Variants in PCDH11Y observed in about 807,000 individuals in gnomAD.
PCDH11Y encodes protocadherin 11 Y-linked.
For synonymous variants in PCDH11Y, 9 were observed against 83.6 expected, an observed-to-expected ratio of 0.11 and a Z score of 4.87; for missense variants, 12 against 224.8, an observed-to-expected ratio of 0.05 and a Z score of 6.05.
intron 2 of PCDH11Y, among the ~76,000 whole-genome samples, chrY:5,286,008 A>G: frequency 3.0e-5 from 1 of 33,673 alleles, no homozygotes; most frequent in Non-Finnish European, 7.4e-5. Context: ...TATTGCCTCA[A>G]TTGTCTTCCA....
chrY:5,151,833 A>C, intron 2 of PCDH11Y, among the ~76,000 whole-genome samples: 1 of 32,163 alleles, frequency 3.1e-5, no homozygotes, highest in Admixed American at 2.9e-4. Flanking sequence ...ATTTAGTCAT[A>C]TATATTATAT....
intron 1 of PCDH11Y, among the ~76,000 whole-genome samples, chrY:5,085,779 T>TTG (rs538114004): frequency 0.012 from 303 of 24,956 alleles, no homozygotes; most frequent in South Asian, 0.094. Context: ...TGGAGCTCCA[T>TTG]TGTGTGTGTG....
intron 4 of PCDH11Y, among the ~76,000 whole-genome samples, chrY:5,671,933 AC>A (rs2053549662): frequency 3.1e-5 from 1 of 32,582 alleles, no homozygotes. Flanking sequence ...TTCCTTCTAT[AC>A]CCATTTCTTT....
chrY:5,220,318 G>T, intron 2 of PCDH11Y, among the ~76,000 whole-genome samples: 1 of 29,168 alleles, frequency 3.4e-5, no homozygotes, highest in Non-Finnish European at 8.0e-5. Context: ...ATTGTATTAA[G>T]TCTGTACATT....
chrY:5,377,554 A>G (rs2053198827), intron 2 of PCDH11Y, among the ~76,000 whole-genome samples: 1 of 33,644 alleles, frequency 3.0e-5, no homozygotes, highest in African/African-American at 1.1e-4. Flanking sequence ...AAAATAAATG[A>G]ATATTTTTAT....
chrY:5,329,335 A>C, intron 2 of PCDH11Y, among the ~76,000 whole-genome samples: 2 of 32,140 alleles, frequency 6.2e-5, no homozygotes, highest in Admixed American at 2.9e-4. Flanking sequence ...GGGCACAGAA[A>C]TAAGGGATTG....
chrY:5,107,984 G>A (rs2052795227), downstream of PCDH11Y, among the ~76,000 whole-genome samples: 6 of 29,633 alleles, frequency 2.0e-4, no homozygotes, highest in Admixed American at 1.8e-3. Flanking sequence ...GCGTGAACCC[G>A]GGAGGCGGAG....
chrY:5,046,789 G>T, intron 3 of PCDH11Y, among the ~76,000 whole-genome samples: 1 of 33,656 alleles, frequency 3.0e-5, no homozygotes, highest in Non-Finnish European at 7.4e-5. Context: ...GACCCTCCGA[G>T]CCAGGTGTGG....
rs1569344751 is a variant in PCDH11Y at position 5,403,859 on chromosome Y, G to T, written c.3130-97198G>T. Among the ~76,000 whole-genome samples the T allele has an allele frequency of 6.7e-4, 22 of 32,996 alleles. No homozygotes were observed. In the East Asian group the frequency reaches 0.017, roughly 25 times the overall value. 88.5% of individuals were successfully genotyped at this position (32,996 alleles called of 37,273 possible). A position where few individuals can be genotyped will look rare whatever the true frequency, so the allele number is the denominator to read the frequency against. ...AGTAAATTAAGGGCTGAGTACTATTGGGTTAGAACAAGAGGGAAAACAAAT... is the reference window on the plus strand; with the variant it reads ...AGTAAATTAAGGGCTGAGTACTATTTGGTTAGAACAAGAGGGAAAACAAAT... On this transcript the variant is annotated intron_variant, in intron 2 of 4. Transcript: ENST00000400457.
At chrY:5,062,770 A>G in intron 1 of PCDH11Y, among the ~76,000 whole-genome samples, 1 of 33,210 alleles carries the variant, frequency 3.0e-5, no homozygotes, top group East Asian at 7.9e-4. Context: ...CATCGTAAAT[A>G]GTTCAATTCT....
intron 3 of PCDH11Y, among the ~76,000 whole-genome samples, chrY:5,039,828 G>C: frequency 9.1e-5 from 3 of 32,932 alleles, no homozygotes; most frequent in Non-Finnish European, 2.2e-4. Flanking sequence ...TTATCTGAAT[G>C]TATTACTCAC....
chrY:5,278,843 G>T (rs2053047890), intron 2 of PCDH11Y, among the ~76,000 whole-genome samples: 1 of 33,006 alleles, frequency 3.0e-5, no homozygotes. Context: ...GGTAAATTTA[G>T]CAAGGAATGG....
intron 3 of PCDH11Y, among the ~76,000 whole-genome samples, chrY:5,047,686 C>G (rs2052645336): frequency 3.0e-5 from 1 of 33,289 alleles, no homozygotes. Flanking sequence ...AAAAATTATA[C>G]AAACACTAAC....
intron 2 of PCDH11Y, among the ~76,000 whole-genome samples, chrY:5,402,888 A>ATC (rs2053235420): frequency 3.1e-5 from 1 of 32,459 alleles, no homozygotes; most frequent in Non-Finnish European, 7.5e-5. Flanking sequence ...AAGGTAGGAC[A>ATC]TCATTTCTTT....
At position 5,534,317 on chromosome Y, in the gene PCDH11Y, A is replaced by G. The variant is rs1602939428; in HGVS notation, c.3328+33062A>G. 1.2e-4 allele frequency among the ~76,000 whole-genome samples: 4 copies of G among 33,457 alleles called. No individual in the cohort carries two copies. The East Asian group carries it at 3.2e-3, about 27-fold the overall frequency. 89.8% of individuals were successfully genotyped at this position (33,457 alleles called of 37,273 possible). On this transcript the variant is annotated intron_variant, in intron 3 of 4. Coordinates refer to the PCDH11Y transcript ENST00000400457. ...GTTCAGGGGCACATGTTATACAGGT[A>G]TATTGCATGCCATGGGGCCTTGGTA...
At chrY:5,312,762 T>C in intron 2 of PCDH11Y, among the ~76,000 whole-genome samples, 1 of 29,682 alleles carries the variant, frequency 3.4e-5, no homozygotes, top group Non-Finnish European at 8.0e-5. Flanking sequence ...TAGGGAAATA[T>C]GTAATCATTA....
intron 1 of PCDH11Y, among the ~76,000 whole-genome samples, chrY:5,025,451 T>C: frequency 3.0e-5 from 1 of 33,104 alleles, no homozygotes; most frequent in Non-Finnish European, 7.4e-5. Flanking sequence ...ATCCCCACTG[T>C]TGGCTAAATT....
chrY:5,666,354 C>T, intron 4 of PCDH11Y, among the ~76,000 whole-genome samples: 1 of 33,017 alleles, frequency 3.0e-5, no homozygotes, highest in South Asian at 6.8e-4. Flanking sequence ...AGAAATTCTG[C>T]ATAAATTCCG....
intron 4 of PCDH11Y, among the ~76,000 whole-genome samples, chrY:5,593,658 G>A: frequency 3.2e-5 from 1 of 31,147 alleles, no homozygotes; most frequent in Non-Finnish European, 7.7e-5. Flanking sequence ...TTTAGTCTTC[G>A]AAGTTGCTGT....
Sources: gnomAD v4.1 joint callset for allele counts (sites outside exome capture counted in the v4.1 genomes callset) on GRCh38, gnomAD v4.1.1 for gene constraint, MANE v1.5 for transcripts, NCBI Gene and HGNC (gene_info 2026-07-23, HGNC 2026-07-21) for gene names.